The following ARIH1 variants were observed in gnomAD, a reference collection of about 807,000 sequenced individuals.
The protein encoded by ARIH1 is ariadne RBR E3 ubiquitin protein ligase 1.
ARIH1 carries 8 observed loss-of-function variants against 85.0 expected under a neutral mutation model. That is an observed-to-expected ratio of 0.09 (90% CI 0.06 to 0.17). The LOEUF is 0.17. ARIH1 is among the 10% of genes least tolerant of loss of function. The probability of loss-of-function intolerance (pLI) is 1.00; values close to 1 mark genes in which losing one functional copy is unlikely to be tolerated. For missense variants in ARIH1, 311 were observed against 718.1 expected, an observed-to-expected ratio of 0.43 and a Z score of 6.48; for synonymous variants, 238 against 253.6, an observed-to-expected ratio of 0.94 and a Z score of 0.59.
chr15:72,557,137 T>C (rs1320109521), intron 5 of ARIH1, among the ~76,000 whole-genome samples: 2 of 152,194 alleles, frequency 1.3e-5, no homozygotes, highest in African/African-American at 2.4e-5. Flanking sequence ...TTTTTTACTT[T>C]TTAATAATAT....
At chr15:72,525,215 A>T (rs537460430) in intron 2 of ARIH1, among the ~76,000 whole-genome samples, 1 of 152,248 alleles carries the variant, frequency 6.6e-6, no homozygotes, top group Admixed American at 6.5e-5. Flanking sequence ...TCTCCTAAGA[A>T]TGCAAGAATA....
chr15:72,503,972 C>A (rs2063913874), intron 1 of ARIH1, among the ~76,000 whole-genome samples: 1 of 152,252 alleles, frequency 6.6e-6, no homozygotes, highest in African/African-American at 2.4e-5. Flanking sequence ...CGGTGTGTTA[C>A]CAGCTCAGTA....
rs888846423 is a variant in ARIH1 at position 72,580,669 on chromosome 15, T to A, written c.1216-62T>A. 7 of 1,452,264 alleles carry A rather than the reference T, an allele frequency of 4.8e-6. No individual in the cohort carries two copies. In the African/African-American group the frequency reaches 9.9e-5, roughly 21 times the overall value. The allele number at this position is 1,452,264 out of a possible 1,614,324, so 90.0% of individuals were successfully genotyped here. Reference sequence around the variant, plus strand: ...CTTCATTATGGTTTTAATTTGATAATCAGCTTTTATGTACAGTTTATGTGT... The same window carrying A: ...CTTCATTATGGTTTTAATTTGATAAACAGCTTTTATGTACAGTTTATGTGT... On this transcript the variant is annotated intron_variant, in intron 11 of 13. Transcript: ENST00000379887.
intron 1 of ARIH1, among the ~76,000 whole-genome samples, chr15:72,481,357 G>C (rs1160926003): frequency 2.0e-5 from 3 of 152,192 alleles, no homozygotes; most frequent in East Asian, 1.9e-4. Flanking sequence ...TATGTGTTAC[G>C]TGTAGTGATA....
chr15:72,492,577 T>A (rs1348656776), intron 1 of ARIH1, among the ~76,000 whole-genome samples: 5 of 152,242 alleles, frequency 3.3e-5, no homozygotes, highest in Non-Finnish European at 5.9e-5. Flanking sequence ...GTCATTTAAT[T>A]TGGAAATGTT....
chr15:72,493,363 T>C (rs60207997), intron 1 of ARIH1, among the ~76,000 whole-genome samples: 5,848 of 152,200 alleles, frequency 0.038, 338 homozygotes, highest in African/African-American at 0.13. Flanking sequence ...TGCACTGGTA[T>C]TTTGGATTGA....
chr15:72,583,295 A>G lies in ARIH1; in HGVS notation c.*3A>G. ...TGTGGGAGTACATTGAGGACTGAGA[A>G]TGGCCCTGCATAAAATGAACTCTGA... On this transcript the variant is annotated 3_prime_UTR_variant, in exon 14 of 14. Transcript: ENST00000379887. 1 of 1,608,654 alleles carries G rather than the reference A, an allele frequency of 6.2e-7. No individual in the cohort carries two copies. The highest frequency in any genetic ancestry group is 8.5e-7 in the Non-Finnish European group (1 of 1,176,602).
intron 3 of ARIH1, among the ~76,000 whole-genome samples, chr15:72,549,320 T>G (rs1254462692): frequency 6.6e-6 from 1 of 152,126 alleles, no homozygotes; most frequent in Non-Finnish European, 1.5e-5. Context: ...ACTCCTGACT[T>G]AAGGTGATCC....
intron 1 of ARIH1, among the ~76,000 whole-genome samples, chr15:72,510,444 G>A (rs914348278): frequency 1.3e-5 from 2 of 151,990 alleles, no homozygotes; most frequent in Non-Finnish European, 2.9e-5. Flanking sequence ...TTAAATGTGA[G>A]CTAAAGTACA....
chr15:72,575,444 G>A (rs1002546443), intron 11 of ARIH1, among the ~76,000 whole-genome samples: 6 of 150,142 alleles, frequency 4.0e-5, no homozygotes, highest in Non-Finnish European at 7.4e-5. Context: ...AGGTATGGTA[G>A]TGCACGCTGG....
At chr15:72,574,174 A>T (rs759769136) in intron 11 of ARIH1, among the ~76,000 whole-genome samples, 2 of 152,058 alleles carry the variant, frequency 1.3e-5, no homozygotes, top group African/African-American at 4.8e-5. Context: ...ATCTATAGGG[A>T]GGGTGGGTTA....
intron 1 of ARIH1, among the ~76,000 whole-genome samples, chr15:72,497,704 A>G (rs1459779938): frequency 1.3e-5 from 2 of 152,162 alleles, no homozygotes; most frequent in Non-Finnish European, 2.9e-5. Context: ...ATGCTTCTAA[A>G]AAGAAGAGGC....
At chr15:72,572,222 A>T in intron 11 of ARIH1, 57 bp downstream of exon 11, 4 of 1,160,692 alleles carry the variant, frequency 3.4e-6, no homozygotes, top group Non-Finnish European at 5.0e-6. Context: ...GTATATTCAT[A>T]TTCATTAGAG....
chr15:72,488,496 A>G (rs1044110340), intron 1 of ARIH1, among the ~76,000 whole-genome samples: 1 of 152,148 alleles, frequency 6.6e-6, no homozygotes. Flanking sequence ...CTATGTTTGA[A>G]TAGTGCTTCA....
intron 9 of ARIH1, among the ~76,000 whole-genome samples, chr15:72,568,828 A>T (rs2064231812): frequency 1.3e-5 from 2 of 152,218 alleles, no homozygotes; most frequent in South Asian, 4.1e-4. Flanking sequence ...AAGTTGCTAT[A>T]TTGGCCTATT....
At chr15:72,515,664 GT>G (rs2063971851) in intron 1 of ARIH1, among the ~76,000 whole-genome samples, 1 of 152,160 alleles carries the variant, frequency 6.6e-6, no homozygotes, top group African/African-American at 2.4e-5. Context: ...TATCTCTTCA[GT>G]TTTCAAAGTC....
In ARIH1 at chr15:72,475,079, C is replaced by A; in HGVS notation, c.375+65C>A. ...GGGGAGCGGATTCAGGCGGCACGCG[C>A]GGTCCCGAGGGACAGGCCTGGGCCT... On this transcript the variant is annotated intron_variant, in intron 1 of 13. Coordinates refer to ENST00000379887, the MANE Select transcript of ARIH1 (RefSeq NM_005744.5). 3 of 1,538,332 alleles carry A rather than the reference C, an allele frequency of 2.0e-6. No homozygotes were observed. The South Asian group carries it at 3.6e-5, about 18-fold the overall frequency.
intron 2 of ARIH1, among the ~76,000 whole-genome samples, chr15:72,544,078 GAT>G (rs1346304779): frequency 2.6e-5 from 4 of 151,976 alleles, no homozygotes; most frequent in African/African-American, 9.7e-5. Flanking sequence ...TGATGTCTTA[GAT>G]ATGGAACTAC....
chr15:72,575,962 A>G (rs528683375), intron 11 of ARIH1, among the ~76,000 whole-genome samples: 1 of 152,178 alleles, frequency 6.6e-6, no homozygotes, highest in Admixed American at 6.5e-5. Context: ...TCCTGCCTCA[A>G]CCTCTGCATT....
Sources: gnomAD v4.1 joint callset for allele counts (sites outside exome capture counted in the v4.1 genomes callset) on GRCh38, gnomAD v4.1.1 for gene constraint, MANE v1.5 for transcripts, NCBI Gene and HGNC (gene_info 2026-07-23, HGNC 2026-07-21) for gene names.